Variants in RGCC observed in about 807,000 individuals in gnomAD.
RGCC encodes regulator of cell cycle RGCC.
Under a neutral mutation model 15.4 loss-of-function variants are expected in RGCC, and 15 were observed. The ratio of observed to expected loss-of-function variants is 0.97; its 90% CI spans 0.65 to 1.50. The LOEUF (loss-of-function observed/expected upper bound fraction) is 1.50. RGCC is among the 40% of genes most tolerant of loss of function. The pLI is 0.00. For missense variants in RGCC, 176 were observed against 189.7 expected, an observed-to-expected ratio of 0.93 and a Z score of 0.42; for synonymous variants, 81 against 78.0, an observed-to-expected ratio of 1.04 and a Z score of -0.20.
intron 4 of RGCC, 102 bp from the exon 5 acceptor site, chr13:41,470,376 T>G: frequency 5.0e-6 from 6 of 1,196,014 alleles, no homozygotes; most frequent in Non-Finnish European, 7.4e-6. Flanking sequence ...AAGCCCAGCA[T>G]TGAGTTTGGT....
At chr13:41,463,908 C>T (rs1025506799) in intron 2 of RGCC, among the ~76,000 whole-genome samples, 2 of 152,180 alleles carry the variant, frequency 1.3e-5, no homozygotes, top group Admixed American at 1.3e-4. Context: ...AGCGTTTGGC[C>T]TCCTTGCCTG....
At chr13:41,462,842 T>C (rs990640690) in intron 2 of RGCC, among the ~76,000 whole-genome samples, 1 of 152,194 alleles carries the variant, frequency 6.6e-6, no homozygotes, top group Non-Finnish European at 1.5e-5. Context: ...AAAGAAATTT[T>C]ATTGGTTAAG....
chr13:41,469,295 T>TAATAATAATAATAAGAAGAAGAAGAAG (rs869157194), intron 4 of RGCC, among the ~76,000 whole-genome samples: 4 of 86,744 alleles, frequency 4.6e-5, no homozygotes, highest in African/African-American at 1.5e-4. Flanking sequence ...ATAATAATAA[T>TAATAATAATAATAAGAAGAAGAAGAAG]AAGAAGAAGA....
In RGCC at chr13:41,468,838, A is replaced by G. The variant is rs747775886; in HGVS notation, c.406A>G (p.Ser136Gly). ...FIADLDKTLA[S>G]M is the part of the protein sequence containing the mutation. ...TGCTGATCTTGACAAAACTTTAGCAAGTAAGTACATGTCTGATATTAAAAA... is the reference window on the plus strand; with the variant it reads ...TGCTGATCTTGACAAAACTTTAGCAGGTAAGTACATGTCTGATATTAAAAA... The change falls in exon 4 of 5, where the codon AGT (serine) becomes GGT (glycine). Residue 136 changes from serine (S) to glycine (G), a missense_variant and splice_region_variant. Coordinates refer to ENST00000379359, the MANE Select transcript of RGCC (RefSeq NM_014059.3). The G allele has an allele frequency of 1.3e-6, 2 of 1,598,998 alleles. No individual in the cohort carries two copies. Among genetic ancestry groups the G allele is most frequent in the Non-Finnish European group, 1.7e-6 (2 of 1,172,968 alleles).
At chr13:41,459,190 CAA>C (rs1229454968) in intron 2 of RGCC, among the ~76,000 whole-genome samples, 1 of 152,268 alleles carries the variant, frequency 6.6e-6, no homozygotes, top group Middle Eastern at 3.4e-3. Context: ...ACAAAAACAA[CAA>C]AAGAGACAGC....
intron 3 of RGCC, 99 bp from the exon 4 acceptor site, chr13:41,468,677 G>T: frequency 1.2e-6 from 1 of 854,720 alleles, no homozygotes; most frequent in Non-Finnish European, 1.9e-6. Flanking sequence ...AACTCTGGAA[G>T]TTCCAACTTC....
At chr13:41,460,122 A>C (rs551861587) in intron 2 of RGCC, among the ~76,000 whole-genome samples, 49 of 152,344 alleles carry the variant, frequency 3.2e-4, no homozygotes, top group African/African-American at 1.1e-3. Context: ...TTTTGTTGTT[A>C]ACGGACTAAC....
chr13:41,467,735 C>G (rs1197016493), intron 3 of RGCC, among the ~76,000 whole-genome samples: 2 of 152,208 alleles, frequency 1.3e-5, no homozygotes, highest in African/African-American at 4.8e-5. Context: ...AAGTTCCCTT[C>G]TCAACATAGC....
chr13:41,462,176 G>T (rs1200725306), intron 2 of RGCC, among the ~76,000 whole-genome samples: 1 of 152,126 alleles, frequency 6.6e-6, no homozygotes, highest in African/African-American at 2.4e-5. Context: ...TGCTTTAAAC[G>T]TGTGGGATCG....
intron 3 of RGCC, among the ~76,000 whole-genome samples, chr13:41,468,508 T>TAAA (rs1318022424): frequency 6.6e-6 from 1 of 152,098 alleles, no homozygotes; most frequent in Non-Finnish European, 1.5e-5. Flanking sequence ...GGTGATGAAC[T>TAAA]AAAAAATAAA....
intron 4 of RGCC, among the ~76,000 whole-genome samples, 190 bp downstream of exon 4, chr13:41,469,028 G>A (rs1208440862): frequency 1.3e-5 from 2 of 152,158 alleles, no homozygotes; most frequent in Non-Finnish European, 2.9e-5. Context: ...GGAAGGCTGA[G>A]GTGGGTGGAT....
Position 41,458,407 on chromosome 13 carries a change from G to C in RGCC, c.172G>C (p.Glu58Gln). ...CCACTTCCACTACGAGGAGCACCTG[G>C]AGCGCATGAAGCGGCGCAGCAGCGC... is the stretch of plus-strand genomic sequence containing the variant. ...ERHFHYEEHL[E>Q]RMKRRSSASV... Residue 58 changes from glutamate (E) to glutamine (Q), a missense_variant, in exon 2 of 5, where the codon GAG becomes CAG. By Grantham distance (29) the Glu-to-Gln change is conservative. Coordinates refer to ENST00000379359, the MANE Select transcript of RGCC (RefSeq NM_014059.3). This position sits in a 1 kb window ranked among gnomAD's most constrained non-coding sequence, Gnocchi z 4.4. The C allele has an allele frequency of 6.2e-7, 1 of 1,601,186 alleles. No homozygotes were observed. Among genetic ancestry groups the C allele is most frequent in the Non-Finnish European group, 8.5e-7 (1 of 1,178,750 alleles).
intron 2 of RGCC, among the ~76,000 whole-genome samples, chr13:41,460,720 A>T (rs2043816988): frequency 6.6e-6 from 1 of 152,222 alleles, no homozygotes; most frequent in Non-Finnish European, 1.5e-5. Flanking sequence ...GCTATTTAAT[A>T]GTGCTATTAG....
chr13:41,466,167 TCA>T (rs1379558140), intron 2 of RGCC, among the ~76,000 whole-genome samples: 2 of 124,518 alleles, frequency 1.6e-5, no homozygotes, highest in East Asian at 2.2e-4. Flanking sequence ...GCACACACTC[TCA>T]CACACTTTCT....
chr13:41,468,942 A>G (rs556111099), intron 4 of RGCC, 104 bp downstream of exon 4: 48 of 862,188 alleles, frequency 5.6e-5, no homozygotes, highest in Non-Finnish European at 7.7e-5. Flanking sequence ...AGAAAGTTTC[A>G]TCCTAAGCCT....
intron 2 of RGCC, among the ~76,000 whole-genome samples, chr13:41,466,179 TCACA>T (rs199905233): frequency 4.0e-5 from 4 of 99,840 alleles, no homozygotes; most frequent in African/African-American, 1.2e-4. Flanking sequence ...ACACACTTTC[TCACA>T]CACACACTCA....
At chr13:41,468,595 GCCCAGGACACT>G (rs1200806826) in intron 3 of RGCC, among the ~76,000 whole-genome samples, 170 bp from the exon 4 acceptor site, 1 of 152,186 alleles carries the variant, frequency 6.6e-6, no homozygotes, top group African/African-American at 2.4e-5. Context: ...CTTAGGGTTG[GCCCAGGACACT>G]CTTCAATAAA....
chr13:41,470,562 A>T lies in RGCC; in HGVS notation c.*77A>T, dbSNP rs2043871080. On this transcript the variant is annotated 3_prime_UTR_variant, in exon 5 of 5. Transcript: ENST00000379359. The stretch of plus-strand genomic sequence containing the variant: ...CGAGGACCTGCTAAAATCAGCTACT[A>T]GAATCTGCTGCCAGAGGGGACAAAG... 2.8e-6 allele frequency: 4 copies of T among 1,430,480 alleles called. No individual in the cohort carries two copies. The highest frequency in any genetic ancestry group is 3.0e-6 in the Non-Finnish European group (3 of 1,013,070). The allele number at this position is 1,430,480 out of a possible 1,614,324, so 88.6% of individuals were successfully genotyped here. A position where few individuals can be genotyped will look rare whatever the true frequency, so the allele number is the denominator to read the frequency against.
intron 2 of RGCC, among the ~76,000 whole-genome samples, chr13:41,466,265 G>GCACA (rs199682174): frequency 4.0e-5 from 6 of 148,730 alleles, no homozygotes; most frequent in African/African-American, 1.5e-4. Context: ...ACACACTCAT[G>GCACA]CACACACACA....
Sources: gnomAD v4.1 joint callset for allele counts (sites outside exome capture counted in the v4.1 genomes callset) on GRCh38, gnomAD v4.1.1 for gene constraint, Gnocchi (gnomAD v3.1) non-coding constraint, MANE v1.5 for transcripts, NCBI Gene and HGNC (gene_info 2026-07-23, HGNC 2026-07-21) for gene names.